FRMD4A: variants seen among roughly 807,000 people sequenced by gnomAD.
FRMD4A encodes the protein FERM domain-containing protein 4A.
FRMD4A carries 29 observed loss-of-function variants against 129.1 expected under a neutral mutation model. The ratio of observed to expected loss-of-function variants is 0.22; its 90% CI spans 0.17 to 0.31. The LOEUF is 0.31. Ranked by LOEUF, FRMD4A falls within the 10% of genes least tolerant of loss-of-function variation. The pLI is 1.00. For synonymous variants in FRMD4A, 634 were observed against 571.6 expected (o/e 1.11, Z -1.56); for missense variants, 1,272 against 1,375.8 (o/e 0.92, Z 1.19).
chr10:13,832,316 C>T (rs901076858), intron 3 of FRMD4A, among the ~76,000 whole-genome samples: 2 of 152,294 alleles, frequency 1.3e-5, no homozygotes, highest in East Asian at 3.9e-4. Context: ...TTGTCCACTG[C>T]CCTCTTAGGA....
At chr10:13,881,764 A>G (rs2094548606) in intron 2 of FRMD4A, among the ~76,000 whole-genome samples, 1 of 151,972 alleles carries the variant, frequency 6.6e-6, no homozygotes, top group African/African-American at 2.4e-5. Flanking sequence ...CACTGTCCAT[A>G]GGATCGAACT....
intron 2 of FRMD4A, among the ~76,000 whole-genome samples, chr10:13,986,495 T>C (rs1475445964): frequency 3.5e-5 from 3 of 86,674 alleles, no homozygotes; most frequent in African/African-American, 1.4e-4. Flanking sequence ...TGGGAACTGT[T>C]GTGGGGTGGG....
chr10:14,132,552 A>C (rs1196714394), intron 2 of FRMD4A, among the ~76,000 whole-genome samples: 2 of 152,132 alleles, frequency 1.3e-5, no homozygotes, highest in Non-Finnish European at 2.9e-5. Context: ...GTACCTGGGA[A>C]AGTGATGTGA....
chr10:13,658,881 C>CAAAAAAAA (rs60536121), intron 21 of FRMD4A, among the ~76,000 whole-genome samples: 1 of 75,188 alleles, frequency 1.3e-5, no homozygotes, highest in African/African-American at 3.6e-5. Flanking sequence ...GACTCCATCT[C>CAAAAAAAA]AAAAAAAAAA....
At chr10:13,682,014 G>A (rs144269506) in intron 15 of FRMD4A, among the ~76,000 whole-genome samples, 262 of 152,092 alleles carry the variant, frequency 1.7e-3, no homozygotes, top group African/African-American at 6.1e-3. Context: ...GAGGCCAAGA[G>A]TTTGAGACCA....
chr10:13,867,641 A>G (rs2094384591), intron 2 of FRMD4A, among the ~76,000 whole-genome samples: 1 of 132,294 alleles, frequency 7.6e-6, no homozygotes, highest in Admixed American at 8.9e-5. Context: ...TATGATATAT[A>G]ATACATAATA....
intron 2 of FRMD4A, among the ~76,000 whole-genome samples, chr10:13,914,995 C>T (rs1210696301): frequency 6.6e-6 from 1 of 152,180 alleles, no homozygotes; most frequent in Non-Finnish European, 1.5e-5. Context: ...GCCTGGGCAA[C>T]AGAGTGGGAC....
At chr10:14,128,000 CTT>C (rs60444536) in intron 2 of FRMD4A, among the ~76,000 whole-genome samples, 14,221 of 97,124 alleles carry the variant, frequency 0.15, 1,914 homozygotes, top group South Asian at 0.18. Flanking sequence ...CTCTCTCTCT[CTT>C]TCTTTCTTTC....
At chr10:14,008,520 C>G (rs1344728167) in intron 2 of FRMD4A, 2 of 990,308 alleles carry the variant, frequency 2.0e-6, no homozygotes, top group Non-Finnish European at 2.4e-6. Context: ...AACTTTGCTT[C>G]TCGTGGCTGC....
chr10:14,141,046 A>G (rs1490788204), intron 2 of FRMD4A, among the ~76,000 whole-genome samples: 2 of 152,074 alleles, frequency 1.3e-5, no homozygotes, highest in African/African-American at 4.8e-5. Flanking sequence ...GAGGTGGAGC[A>G]CAGGCCTGGT....
chr10:14,071,565 C>T (rs943018569), intron 2 of FRMD4A, among the ~76,000 whole-genome samples: 4 of 152,066 alleles, frequency 2.6e-5, no homozygotes, highest in Admixed American at 1.3e-4. Context: ...GAAAAAAAGA[C>T]CTACTTTAGA....
intron 3 of FRMD4A, among the ~76,000 whole-genome samples, chr10:13,829,499 C>CA (rs1333261740): frequency 6.6e-6 from 1 of 152,126 alleles, no homozygotes; most frequent in Non-Finnish European, 1.5e-5. Flanking sequence ...CAAAAAAAGG[C>CA]AAAAAGCAAA....
chr10:13,835,800 C>T (rs1302692526), intron 3 of FRMD4A, among the ~76,000 whole-genome samples: 1 of 152,142 alleles, frequency 6.6e-6, no homozygotes, highest in Non-Finnish European at 1.5e-5. Flanking sequence ...ATAAAGTGCA[C>T]AAGAAATGTA....
intron 2 of FRMD4A, among the ~76,000 whole-genome samples, chr10:14,313,766 A>C (rs1296467707): frequency 6.6e-6 from 1 of 152,218 alleles, no homozygotes; most frequent in Non-Finnish European, 1.5e-5. Flanking sequence ...TAAGAAACTC[A>C]TGTAACAAAT....
At chr10:13,843,987 T>A (rs374987289) in intron 3 of FRMD4A, among the ~76,000 whole-genome samples, 9 of 152,314 alleles carry the variant, frequency 5.9e-5, no homozygotes, top group African/African-American at 2.2e-4. Context: ...AATTTTTTTC[T>A]TGCTCATGAA....
At chr10:13,792,712 T>C (rs1303313474) in intron 5 of FRMD4A, among the ~76,000 whole-genome samples, 4 of 152,218 alleles carry the variant, frequency 2.6e-5, no homozygotes, top group African/African-American at 9.6e-5. Context: ...TGGGTAATTA[T>C]TAAGACCCTG....
At chr10:14,227,570 C>T (rs1393475604) in intron 2 of FRMD4A, among the ~76,000 whole-genome samples, 1 of 151,994 alleles carries the variant, frequency 6.6e-6, no homozygotes, top group African/African-American at 2.4e-5. Flanking sequence ...AGTGTTCTAG[C>T]CTCCCCATTC....
At chr10:14,006,240 C>A (rs1689046531) in intron 2 of FRMD4A, among the ~76,000 whole-genome samples, 1 of 152,144 alleles carries the variant, frequency 6.6e-6, no homozygotes, top group African/African-American at 2.4e-5. Flanking sequence ...GGGGAAGACC[C>A]AATGTTCCAA....
chr10:13,699,407 G>A (rs1365135847), intron 14 of FRMD4A, among the ~76,000 whole-genome samples: 1 of 151,930 alleles, frequency 6.6e-6, no homozygotes, highest in Non-Finnish European at 1.5e-5. Flanking sequence ...TACTTGCTGT[G>A]TCAGTGAGTT....
Sources: allele counts gnomAD v4.1 joint callset (sites outside exome capture counted in the v4.1 genomes callset), GRCh38; gene constraint gnomAD v4.1.1; transcripts MANE v1.5; gene names NCBI Gene and HGNC (gene_info 2026-07-23, HGNC 2026-07-21).